Variants in DCLRE1C observed in about 807,000 individuals in gnomAD.
DCLRE1C encodes protein artemis.
A neutral mutation model predicts 61.4 loss-of-function variants in DCLRE1C; 47 were observed. The observed-to-expected ratio is 0.77, with a 90% confidence interval of 0.61 to 0.98. The LOEUF is 0.98. Among genes scored for constraint, DCLRE1C ranks in the 50% least tolerant of loss-of-function variants. The pLI, the probability that DCLRE1C is intolerant of heterozygous loss-of-function variation, is 0.00. For missense variants in DCLRE1C, 858 were observed against 816.0 expected, an observed-to-expected ratio of 1.05 and a Z score of -0.63; for synonymous variants, 337 against 287.6, an observed-to-expected ratio of 1.17 and a Z score of -1.74.
Position 14,936,681 on chromosome 10 carries a change from T to C in DCLRE1C, c.307-88A>G. 3.5e-6 allele frequency: 3 copies of C among 859,644 alleles called. No homozygotes were observed. The East Asian group carries it at 7.9e-5, about 23-fold the overall frequency. 53.3% of individuals were successfully genotyped at this position (859,644 alleles called of 1,614,324 possible). ...AAAGCCCTCCTTCACAGAACACATT[T>C]ATGTACCTTTTAACAATGTGCCTTT... On this transcript the variant is annotated intron_variant, in intron 4 of 13. Coordinates refer to ENST00000378278, the MANE Select transcript of DCLRE1C (RefSeq NM_001033855.3).
Position 14,936,537 on chromosome 10 carries a change from C to T in DCLRE1C, c.362+1G>A. 6.2e-7 allele frequency: 1 copy of T among 1,611,244 alleles called. No homozygotes were observed. Among genetic ancestry groups the T allele is most frequent in the Non-Finnish European group, 8.5e-7 (1 of 1,177,504 alleles). Reference sequence around the variant, plus strand: ...AATGACAAAATAAATGACCCCCTTACATAACTGATCCCGGACAGTGACCAG... The same window carrying T: ...AATGACAAAATAAATGACCCCCTTATATAACTGATCCCGGACAGTGACCAG... On this transcript the variant is annotated splice_donor_variant, in intron 5 of 13. Coordinates refer to ENST00000378278, the MANE Select transcript of DCLRE1C (RefSeq NM_001033855.3). LOFTEE classifies it high-confidence loss of function.
chr10:14,948,172 A>G (rs1217673059), intron 2 of DCLRE1C, among the ~76,000 whole-genome samples: 1 of 151,962 alleles, frequency 6.6e-6, no homozygotes, highest in Non-Finnish European at 1.5e-5. Context: ...CCAGGAGTTT[A>G]CAACCAGCCT....
intron 13 of DCLRE1C, among the ~76,000 whole-genome samples, chr10:14,914,347 T>C (rs1461354026): frequency 6.6e-6 from 1 of 152,206 alleles, no homozygotes; most frequent in Non-Finnish European, 1.5e-5. Context: ...AACTTGTGTA[T>C]ACCTATTAAT....
At chr10:14,931,440 C>A (rs143798299) in intron 9 of DCLRE1C, among the ~76,000 whole-genome samples, 3,866 of 152,198 alleles carry the variant, frequency 0.025, 74 homozygotes, top group Non-Finnish European at 0.041. Flanking sequence ...AGCCTGTAAT[C>A]TCAGCTACTC....
Position 14,934,737 on chromosome 10 carries a change from A to T in DCLRE1C, c.503T>A (p.Phe168Tyr). 6.2e-7 allele frequency: 1 copy of T among 1,614,028 alleles called. No individual in the cohort carries two copies. Among genetic ancestry groups the T allele is most frequent in the Non-Finnish European group, 8.5e-7 (1 of 1,179,884 alleles). Residue 168 changes from phenylalanine (F) to tyrosine (Y), a missense_variant, in exon 7 of 14, where the codon TTC (phenylalanine) becomes TAC (tyrosine). Physicochemically the swap from Phe to Tyr is conservative, Grantham distance 22. Coordinates refer to ENST00000378278, the MANE Select transcript of DCLRE1C (RefSeq NM_001033855.3). ...DIQSVYLDTT[F>Y]CDPRFYQIPS... ...AATTTGGTAAAATCTTGGATCACAG[A>T]ACGTAGTATCCAAATATACACTTTG...
chr10:14,921,638 A>G (rs990187463), intron 12 of DCLRE1C, among the ~76,000 whole-genome samples: 2 of 152,176 alleles, frequency 1.3e-5, no homozygotes, highest in Non-Finnish European at 2.9e-5. Context: ...GAAACGGGAC[A>G]CCTGGTAGTC....
intron 3 of DCLRE1C, among the ~76,000 whole-genome samples, chr10:14,943,672 C>G (rs1464340974): frequency 6.6e-6 from 1 of 152,194 alleles, no homozygotes; most frequent in Non-Finnish European, 1.5e-5. Context: ...CCTGCCTCAG[C>G]ATCCCAAGGA....
intron 11 of DCLRE1C, among the ~76,000 whole-genome samples, chr10:14,926,562 G>A (rs976080173): frequency 2.0e-5 from 3 of 151,006 alleles, no homozygotes; most frequent in East Asian, 1.9e-4. Flanking sequence ...GCTGAGGCAG[G>A]AGAATCACCT....
intron 13 of DCLRE1C, chr10:14,899,315 G>T: frequency 2.9e-6 from 2 of 679,102 alleles, no homozygotes; most frequent in Non-Finnish European, 5.3e-6. Flanking sequence ...GTGAGACCCT[G>T]TTTAAAAAAA....
At chr10:14,931,382 AC>A (rs1589040423) in intron 9 of DCLRE1C, among the ~76,000 whole-genome samples, 1 of 151,868 alleles carries the variant, frequency 6.6e-6, no homozygotes, top group Non-Finnish European at 1.5e-5. Context: ...ATATGGTGAA[AC>A]CCTGTCTCTA....
intron 13 of DCLRE1C, among the ~76,000 whole-genome samples, chr10:14,917,859 A>C (rs941801745): frequency 6.6e-6 from 1 of 152,178 alleles, no homozygotes; most frequent in African/African-American, 2.4e-5. Flanking sequence ...AAAGATTTGA[A>C]TAGACACTTC....
exon 14 of DCLRE1C, chr10:14,899,184 G>A (rs1163193549): frequency 1.4e-6 from 1 of 701,706 alleles, no homozygotes; most frequent in Non-Finnish European, 2.6e-6. Flanking sequence ...AGCTGGGCAT[G>A]GCGGTATGCA....
At chr10:14,929,706 T>C (rs182356030) in intron 9 of DCLRE1C, among the ~76,000 whole-genome samples, 1 of 152,160 alleles carries the variant, frequency 6.6e-6, no homozygotes, top group East Asian at 1.9e-4. Context: ...AACTAACAAA[T>C]ACAAGTGTTT....
At chr10:14,926,719 AC>A (rs1838049376) in intron 11 of DCLRE1C, 123 bp downstream of exon 11, 1 of 786,048 alleles carries the variant, frequency 1.3e-6, no homozygotes, top group Non-Finnish European at 2.1e-6. Flanking sequence ...GGAAAAAAAA[AC>A]TAAAAGGAAA....
At chr10:14,930,429 A>G (rs1176253219) in intron 9 of DCLRE1C, among the ~76,000 whole-genome samples, 2 of 145,960 alleles carry the variant, frequency 1.4e-5, no homozygotes, top group Admixed American at 6.9e-5. Context: ...CACTAAGTTT[A>G]TGGGTTTTGT....
rs1834842649 is a variant in DCLRE1C, at chr10:14,909,228, G to A, written c.1259C>T (p.Ala420Val). Residue 420 changes from alanine to valine, a missense_variant, in exon 14 of 14, where the codon GCA (alanine) becomes GTA (valine). By Grantham distance (64) the Ala-to-Val change is moderately conservative (BLOSUM62 0). This residue lies in a region of DCLRE1C where 843 missense variants were observed against 783.5 expected (regional missense o/e 1.08). Coordinates refer to ENST00000378278, the MANE Select transcript of DCLRE1C (RefSeq NM_001033855.3). ...TTTTTCAGGCTGCTTTTCTGATACTGCAGTCATTGAAAATACCTCAGGGTG... is the reference window on the plus strand; with the variant it reads ...TTTTTCAGGCTGCTTTTCTGATACTACAGTCATTGAAAATACCTCAGGGTG... ...TFHPEVFSMT[A>V]VSEKQPEKLR... 2 of 1,613,816 alleles carry A rather than the reference G, an allele frequency of 1.2e-6. No homozygotes were observed. The highest frequency in any genetic ancestry group is 2.2e-5 in the East Asian group (1 of 44,872).
Position 14,908,776 on chromosome 10 carries a change from T to G in DCLRE1C, c.1711A>C (p.Thr571Pro), listed in dbSNP as rs775927361. Residue 571 changes from threonine (T) to proline (P), a missense_variant, in exon 14 of 14, where the codon ACT becomes CCT. Thr to Pro is a conservative substitution (Grantham distance 38, BLOSUM62 -1). Coordinates refer to ENST00000378278, the MANE Select transcript of DCLRE1C (RefSeq NM_001033855.3). ...SSQERNSGDI[T>P]SLDKADYRPT... ...CTGTAGTCAGCTTTGTCCAAGGAAG[T>G]AATATCCCCACTGTTTCTCTCTTGG... 9 of 1,614,210 alleles carry G rather than the reference T, an allele frequency of 5.6e-6. No homozygotes were observed. Among genetic ancestry groups the G allele is most frequent in the Non-Finnish European group, 7.6e-6 (9 of 1,180,028 alleles).
At chr10:14,938,973 A>G (rs1033941986) in intron 4 of DCLRE1C, among the ~76,000 whole-genome samples, 3 of 152,164 alleles carry the variant, frequency 2.0e-5, no homozygotes, top group African/African-American at 7.2e-5. Flanking sequence ...CAAAATTCCT[A>G]TGTTGAAATC....
At chr10:14,952,415 T>C (rs1027177629) in intron 1 of DCLRE1C, among the ~76,000 whole-genome samples, 1 of 151,892 alleles carries the variant, frequency 6.6e-6, no homozygotes, top group African/African-American at 2.4e-5. Context: ...TGGTGAAACA[T>C]CATCTCTACT....
Sources: gnomAD v4.1 joint callset for allele counts (sites outside exome capture counted in the v4.1 genomes callset) on GRCh38, gnomAD v4.1.1 for gene constraint, gnomAD v4.1.1 regional missense constraint, MANE v1.5 for transcripts, NCBI Gene and HGNC (gene_info 2026-07-23, HGNC 2026-07-21) for gene names.